Variants in GALNT6 observed in about 807,000 individuals in gnomAD.
GALNT6 encodes the protein polypeptide N-acetylgalactosaminyltransferase 6, also known as GalNAc transferase 6.
A neutral mutation model predicts 65.9 loss-of-function variants in GALNT6; 51 were observed. That is an observed-to-expected ratio of 0.77 (90% CI 0.62 to 0.98). The LOEUF is 0.98. GALNT6 is among the 50% of genes least tolerant of loss of function. The pLI is 0.00. For missense variants in GALNT6, 708 were observed against 803.3 expected, an observed-to-expected ratio of 0.88 and a Z score of 1.43; for synonymous variants, 323 against 315.1, an observed-to-expected ratio of 1.02 and a Z score of -0.26.
intron 4 of GALNT6, among the ~76,000 whole-genome samples, chr12:51,373,909 G>T (rs1217323476): frequency 1.3e-5 from 2 of 152,142 alleles, no homozygotes; most frequent in Non-Finnish European, 2.9e-5. Flanking sequence ...GCCTAGGCTG[G>T]AGTACAATGG....
At chr12:51,386,318 T>C (rs532314551) in intron 2 of GALNT6, among the ~76,000 whole-genome samples, 6 of 151,676 alleles carry the variant, frequency 4.0e-5, no homozygotes, top group African/African-American at 1.2e-4. Flanking sequence ...GGAGGTTGAG[T>C]AGGGAATTTG....
chr12:51,371,785 A>T (rs1369402394), intron 4 of GALNT6, among the ~76,000 whole-genome samples: 1 of 152,068 alleles, frequency 6.6e-6, no homozygotes, highest in Non-Finnish European at 1.5e-5. Flanking sequence ...ACTCACTCTC[A>T]TAGGGCTACT....
rs181328270 is a variant in GALNT6 at position 51,366,010 on chromosome 12, T to C, written c.665-431A>G. On this transcript the variant is annotated intron_variant, in intron 4 of 11. Transcript: ENST00000356317. ...TTGGCTCACTGCAACCTCCACCTCC[T>C]GGGCTCAAGTGATTCTCCTGCCTCA... 1.9e-3 allele frequency among the ~76,000 whole-genome samples: 282 copies of C among 152,280 alleles called. 2 individuals are homozygous for C. The highest frequency in any genetic ancestry group is 6.0e-3 in the Admixed American group (92 of 15,292).
At position 51,377,105 on chromosome 12, in the gene GALNT6, T is replaced by C. The variant is rs1293273425; in HGVS notation, c.664+90A>G. 2.8e-6 allele frequency: 3 copies of C among 1,068,412 alleles called. No homozygotes were observed. The African/African-American group carries it at 4.7e-5, about 17-fold the overall frequency. 66.2% of individuals were successfully genotyped at this position (1,068,412 alleles called of 1,614,324 possible). A position where few individuals can be genotyped will look rare whatever the true frequency, so the allele number is the denominator to read the frequency against. On this transcript the variant is annotated intron_variant, in intron 4 of 11. Transcript: ENST00000356317. ...GATGTCAGGCAACAGGCTCATGAGG[T>C]GGTGCCTGCTCCCTTGAAAGGAACT...
intron 6 of GALNT6, 21 bp from the exon 7 acceptor site, chr12:51,360,859 G>A (rs368405653): frequency 1.1e-5 from 16 of 1,515,070 alleles, no homozygotes; most frequent in African/African-American, 4.1e-5. Flanking sequence ...AGAGGGAGAA[G>A]TGTGTGCATC....
intron 5 of GALNT6, among the ~76,000 whole-genome samples, chr12:51,365,103 T>C (rs576484331): frequency 8.5e-5 from 13 of 152,254 alleles, no homozygotes; most frequent in Admixed American, 2.6e-4. Flanking sequence ...AGTTCTGTCA[T>C]AGCAGGAGGC....
chr12:51,377,279 G>A lies in GALNT6; in HGVS notation c.580C>T (p.Leu194=). The change falls in exon 4 of 12, where the codon CTG becomes TTG. Residue 194 remains leucine (L), a synonymous_variant. Transcript: ENST00000356317. ...TGTAGGACGCTGTACACTGTTCGCAGCAGTGTGGACCAGGCTTCGTTGTGG... is the reference window on the plus strand; with the variant it reads ...TGTAGGACGCTGTACACTGTTCGCAACAGTGTGGACCAGGCTTCGTTGTGG... ...VFHNEAWSTL[L]RTVYSVLHTT... 1 of 1,613,432 alleles carries A rather than the reference G, an allele frequency of 6.2e-7. No homozygotes were observed. The highest frequency in any genetic ancestry group is 8.5e-7 in the Non-Finnish European group (1 of 1,179,694).
At chr12:51,371,331 C>A (rs1947289330) in intron 4 of GALNT6, among the ~76,000 whole-genome samples, 1 of 152,082 alleles carries the variant, frequency 6.6e-6, no homozygotes, top group African/African-American at 2.4e-5. Flanking sequence ...GGTTCTCTTG[C>A]CTCGGCCTCT....
intron 4 of GALNT6, among the ~76,000 whole-genome samples, chr12:51,375,996 G>T (rs1947441092): frequency 6.6e-6 from 1 of 151,970 alleles, no homozygotes; most frequent in Admixed American, 6.6e-5. Flanking sequence ...GAGCAGCTGG[G>T]ACTACAAGCG....
intron 8 of GALNT6, among the ~76,000 whole-genome samples, chr12:51,358,580 C>T (rs1483585569): frequency 2.6e-5 from 4 of 152,168 alleles, no homozygotes; most frequent in African/African-American, 4.8e-5. Context: ...GGATTACAGG[C>T]GTGAGCCACC....
intron 4 of GALNT6, among the ~76,000 whole-genome samples, chr12:51,366,215 G>A (rs999734316): frequency 6.6e-6 from 1 of 152,196 alleles, no homozygotes; most frequent in Non-Finnish European, 1.5e-5. Context: ...ACCACGCCCG[G>A]CCCAAGTACA....
At chr12:51,381,864 G>A (rs189344874) in intron 2 of GALNT6, among the ~76,000 whole-genome samples, 1 of 152,352 alleles carries the variant, frequency 6.6e-6, no homozygotes, top group East Asian at 1.9e-4. Context: ...TTATCCTCAA[G>A]CACCTGGCCC....
In GALNT6 at chr12:51,352,457, A is replaced by G. The variant is rs1946638048; in HGVS notation, c.*1922T>C. On this transcript the variant is annotated 3_prime_UTR_variant, in exon 12 of 12. Coordinates refer to ENST00000356317, the MANE Select transcript of GALNT6 (RefSeq NM_007210.4). ...TACGTGATTTTCACGTTGTGCTTCC[A>G]GATTGTTAGAAGTTAGGGGCTGGAA... 1 of 152,236 alleles carries G rather than the reference A, an allele frequency of 6.6e-6. No homozygotes were observed. Among genetic ancestry groups the G allele is most frequent in the Non-Finnish European group, 1.5e-5 (1 of 68,042 alleles). The allele number at this position is 152,236 out of a possible 1,614,324, so 9.4% of individuals were successfully genotyped here.
rs1343815338 is a variant in GALNT6, at chr12:51,354,279, C to A, written c.*100G>T. 6.1e-6 allele frequency: 4 copies of A among 653,178 alleles called. No homozygotes were observed. The highest frequency in any genetic ancestry group is 1.0e-5 in the Non-Finnish European group (4 of 393,844). The allele number at this position is 653,178 out of a possible 1,614,324, so 40.5% of individuals were successfully genotyped here. ...CCACCCAGTGGGTTTAGAAATCCAT[C>A]TTTACGGCCTCCAGAGAAGCTGGTG... On this transcript the variant is annotated 3_prime_UTR_variant, in exon 12 of 12. Transcript: ENST00000356317.
chr12:51,374,587 C>T (rs1462152775), intron 4 of GALNT6, among the ~76,000 whole-genome samples: 1 of 152,114 alleles, frequency 6.6e-6, no homozygotes, highest in Admixed American at 6.5e-5. Context: ...GTGGCCCCAG[C>T]GCTTACACTG....
At chr12:51,365,396 C>CA in intron 5 of GALNT6, 34 bp downstream of exon 5, 1 of 1,580,660 alleles carries the variant, frequency 6.3e-7, no homozygotes, top group East Asian at 2.3e-5. Context: ...AGGGAGCCTC[C>CA]AGGTTACACC....
At chr12:51,386,369 C>T (rs1465284546) in intron 2 of GALNT6, among the ~76,000 whole-genome samples, 1 of 152,182 alleles carries the variant, frequency 6.6e-6, no homozygotes, top group Non-Finnish European at 1.5e-5. Context: ...CGACTCCACC[C>T]TTTGATCCCC....
In GALNT6 at chr12:51,360,844, G is replaced by A. The variant is rs546981157; in HGVS notation, c.1050-6C>T. Reference sequence around the variant, plus strand: ...CACCAGCAAACGTCGGGGATCTGGAGAGACAGAGGGAGAAGTGTGTGCATC... The same window carrying A: ...CACCAGCAAACGTCGGGGATCTGGAAAGACAGAGGGAGAAGTGTGTGCATC... On this transcript the variant is annotated splice_region_variant and splice_polypyrimidine_tract_variant and intron_variant, in intron 6 of 11. Coordinates refer to ENST00000356317, the MANE Select transcript of GALNT6 (RefSeq NM_007210.4). 3 of 1,578,290 alleles carry A rather than the reference G, an allele frequency of 1.9e-6. No homozygotes were observed. In the Admixed American group the frequency reaches 5.0e-5, roughly 26 times the overall value.
Position 51,356,351 on chromosome 12 carries a change from CTCTTT to C in GALNT6, c.1603-398_1603-394del, listed in dbSNP as rs1946745174. The stretch of plus-strand genomic sequence containing the variant: ...CCACTGCGCCCAACCAGTATATTTT[CTCTTT>C]TTTTTTTTTTTTTTTTTTTTTGAGG... On this transcript the variant is annotated intron_variant, in intron 10 of 11. Coordinates refer to ENST00000356317, the MANE Select transcript of GALNT6 (RefSeq NM_007210.4). 2.8e-5 allele frequency among the ~76,000 whole-genome samples: 3 copies of C among 108,066 alleles called. No individual in the cohort carries two copies. In the South Asian group the frequency reaches 9.4e-4, roughly 34 times the overall value. 70.9% of individuals were successfully genotyped at this position (108,066 alleles called of 152,430 possible).
Sources: allele counts gnomAD v4.1 joint callset (sites outside exome capture counted in the v4.1 genomes callset), GRCh38; gene constraint gnomAD v4.1.1; transcripts MANE v1.5; gene names NCBI Gene and HGNC (gene_info 2026-07-23, HGNC 2026-07-21).